NCK1: variants seen among roughly 807,000 people sequenced by gnomAD.
The protein encoded by NCK1 is NCK adaptor protein 1.
A neutral mutation model predicts 36.6 loss-of-function variants in NCK1; 19 were observed. The observed-to-expected ratio is 0.52, with a 90% CI of 0.36 to 0.76. The LOEUF (loss-of-function observed/expected upper bound fraction) is 0.76. NCK1 is among the 30% of genes least tolerant of loss of function. The pLI is 0.00. For synonymous variants in NCK1, 165 were observed against 156.0 expected (o/e 1.06, Z -0.43); for missense variants, 358 against 445.6 (o/e 0.80, Z 1.77).
chr3:136,870,028 G>GTTTTTTTTT (rs749807329), intron 1 of NCK1, among the ~76,000 whole-genome samples: 7 of 96,796 alleles, frequency 7.2e-5, no homozygotes, highest in Admixed American at 1.3e-4. Flanking sequence ...TTTCTCAAAA[G>GTTTTTTTTT]TTTTTTTTTT....
At chr3:136,885,207 T>C (rs1939046036) in intron 1 of NCK1, among the ~76,000 whole-genome samples, 1 of 152,162 alleles carries the variant, frequency 6.6e-6, no homozygotes, top group Non-Finnish European at 1.5e-5. Flanking sequence ...ATTGTGGCCG[T>C]GGACAAGTGG....
chr3:136,935,391 A>C (rs1447808969), intron 2 of NCK1, among the ~76,000 whole-genome samples: 2 of 150,720 alleles, frequency 1.3e-5, no homozygotes, highest in African/African-American at 2.4e-5. Context: ...TTTTTTTTGT[A>C]TGTGCCTCAT....
chr3:136,866,496 G>A (rs543120763), intron 1 of NCK1, among the ~76,000 whole-genome samples: 7 of 151,726 alleles, frequency 4.6e-5, no homozygotes, highest in Non-Finnish European at 1.0e-4. Flanking sequence ...TAGTAGAGAC[G>A]GGGTTTCTCC....
rs527456355 is a variant in NCK1, at chr3:136,946,524, T to C, written c.939+229T>C. Reference sequence around the variant, plus strand: ...CTACACACTGAATTATTTCGTCTTGTCTAGTTCTGTTGATTTTGCATTCCT... The same window carrying C: ...CTACACACTGAATTATTTCGTCTTGCCTAGTTCTGTTGATTTTGCATTCCT... On this transcript the variant is annotated intron_variant, in intron 3 of 3. Coordinates refer to ENST00000481752, the MANE Select transcript of NCK1 (RefSeq NM_001291999.2). Among the ~76,000 whole-genome samples the C allele has an allele frequency of 3.3e-5, 5 of 152,324 alleles. No homozygotes were observed. In the East Asian group the frequency reaches 9.7e-4, roughly 29 times the overall value.
At chr3:136,891,149 C>T (rs1330189121) in intron 1 of NCK1, among the ~76,000 whole-genome samples, 4 of 152,228 alleles carry the variant, frequency 2.6e-5, no homozygotes, top group Non-Finnish European at 5.9e-5. Flanking sequence ...ATGACAGACA[C>T]TGAGGTGGAG....
At chr3:136,926,392 A>G (rs1006278611) in intron 1 of NCK1, among the ~76,000 whole-genome samples, 5 of 151,920 alleles carry the variant, frequency 3.3e-5, no homozygotes, top group East Asian at 1.9e-4. Context: ...CTCCTGCCTC[A>G]GCGTCCCAAG....
intron 1 of NCK1, among the ~76,000 whole-genome samples, chr3:136,904,949 C>T (rs6803618): frequency 0.63 from 94,121 of 149,550 alleles, 29,881 homozygotes; most frequent in East Asian, 0.87. Context: ...CACTTTCCAA[C>T]GTAGTTTGTA....
At chr3:136,888,887 T>G (rs1006115759) in intron 1 of NCK1, among the ~76,000 whole-genome samples, 1 of 151,994 alleles carries the variant, frequency 6.6e-6, no homozygotes, top group African/African-American at 2.4e-5. Context: ...TTTTTTCTTT[T>G]TTGAGGCAAG....
chr3:136,891,055 T>G (rs1250552318), intron 1 of NCK1, among the ~76,000 whole-genome samples: 13 of 152,252 alleles, frequency 8.5e-5, no homozygotes, highest in Admixed American at 8.5e-4. Flanking sequence ...CATTGTAGCA[T>G]GTGTCTAAAG....
chr3:136,926,503 C>CT (rs561808307), intron 1 of NCK1, among the ~76,000 whole-genome samples: 2 of 152,026 alleles, frequency 1.3e-5, no homozygotes, highest in Non-Finnish European at 2.9e-5. Flanking sequence ...TCTCGATCTC[C>CT]TGAACTTGTG....
At chr3:136,885,767 GA>G (rs1371796796) in intron 1 of NCK1, among the ~76,000 whole-genome samples, 1 of 152,148 alleles carries the variant, frequency 6.6e-6, no homozygotes, top group Non-Finnish European at 1.5e-5. Context: ...GAAATACAGT[GA>G]GATAATACAG....
intron 1 of NCK1, among the ~76,000 whole-genome samples, chr3:136,872,443 G>A (rs1456370671): frequency 6.6e-6 from 1 of 152,196 alleles, no homozygotes; most frequent in Admixed American, 6.5e-5. Flanking sequence ...GCTGTTAAAG[G>A]CATTCAGTTT....
At chr3:136,901,124 T>C (rs1444118135) in intron 1 of NCK1, among the ~76,000 whole-genome samples, 2 of 152,220 alleles carry the variant, frequency 1.3e-5, no homozygotes, top group Non-Finnish European at 2.9e-5. Context: ...GAAGGGACAC[T>C]GAATTTTATC....
chr3:136,883,214 C>G (rs545899078), intron 1 of NCK1, among the ~76,000 whole-genome samples: 1 of 152,202 alleles, frequency 6.6e-6, no homozygotes, highest in Non-Finnish European at 1.5e-5. Flanking sequence ...AGCCCCCATG[C>G]CCAGCCTACT....
At chr3:136,885,513 C>T (rs1939054084) in intron 1 of NCK1, among the ~76,000 whole-genome samples, 1 of 152,088 alleles carries the variant, frequency 6.6e-6, no homozygotes, top group South Asian at 2.1e-4. Flanking sequence ...CCATGTTGCC[C>T]AGGCTGGCCT....
chr3:136,907,373 A>G (rs114289796), intron 1 of NCK1, among the ~76,000 whole-genome samples: 210 of 152,264 alleles, frequency 1.4e-3, no homozygotes, highest in African/African-American at 4.7e-3. Context: ...GGCTCTCAAA[A>G]TGAAGGTACA....
chr3:136,948,485 T>C lies in NCK1; in HGVS notation c.*32T>C. 1 of 1,569,196 alleles carries C rather than the reference T, an allele frequency of 6.4e-7. No individual in the cohort carries two copies. The highest frequency in any genetic ancestry group is 8.7e-7 in the Non-Finnish European group (1 of 1,150,872). ...TGACCAGAAGTGACTGCTGTGTAGC[T>C]GTAATTTGTCATGTAATTGAAGACT... On this transcript the variant is annotated 3_prime_UTR_variant, in exon 4 of 4. Transcript: ENST00000481752.
intron 1 of NCK1, among the ~76,000 whole-genome samples, chr3:136,921,722 G>A (rs1481127036): frequency 1.3e-5 from 2 of 152,134 alleles, no homozygotes; most frequent in Non-Finnish European, 2.9e-5. Flanking sequence ...AACAAAAGGG[G>A]AAGAGACTTT....
chr3:136,927,484 T>G (rs958692570), intron 1 of NCK1, among the ~76,000 whole-genome samples: 2 of 152,222 alleles, frequency 1.3e-5, no homozygotes, highest in African/African-American at 4.8e-5. Context: ...CTTTAAGTTT[T>G]GTTTGATACT....
Sources: gnomAD v4.1 joint callset for allele counts (sites outside exome capture counted in the v4.1 genomes callset) on GRCh38, gnomAD v4.1.1 for gene constraint, MANE v1.5 for transcripts, NCBI Gene and HGNC (gene_info 2026-07-23, HGNC 2026-07-21) for gene names.